TMEM108: variants seen among roughly 807,000 people sequenced by gnomAD.
The protein encoded by TMEM108 is transmembrane protein 108, also known as cancer/testis antigen 124.
A neutral mutation model predicts 35.1 loss-of-function variants in TMEM108; 12 were observed. The ratio of observed to expected loss-of-function variants is 0.34; its 90% CI spans 0.22 to 0.55. The LOEUF (loss-of-function observed/expected upper bound fraction) is 0.55. TMEM108 is among the 20% of genes least tolerant of loss of function. TMEM108 has a pLI of 0.89. For missense variants in TMEM108, 680 were observed against 753.3 expected, an observed-to-expected ratio of 0.90 and a Z score of 1.14; for synonymous variants, 287 against 308.6, an observed-to-expected ratio of 0.93 and a Z score of 0.73.
intron 2 of TMEM108, among the ~76,000 whole-genome samples, chr3:133,059,948 C>T (rs1451987351): frequency 6.6e-6 from 1 of 152,184 alleles, no homozygotes; most frequent in African/African-American, 2.4e-5. Context: ...CCTAATTAGA[C>T]ACAAGCATTT....
At chr3:133,320,617 C>G (rs1430919383) in intron 3 of TMEM108, among the ~76,000 whole-genome samples, 1 of 152,118 alleles carries the variant, frequency 6.6e-6, no homozygotes, top group Non-Finnish European at 1.5e-5. Flanking sequence ...TCAAGGAAAA[C>G]TTTCCTGGCC....
At chr3:133,132,275 T>C (rs1576335965) in intron 2 of TMEM108, among the ~76,000 whole-genome samples, 2 of 152,236 alleles carry the variant, frequency 1.3e-5, no homozygotes, top group African/African-American at 4.8e-5. Context: ...AGCTAGAGAA[T>C]AGAAGTCAAT....
At chr3:133,134,051 C>T (rs554473492) in intron 2 of TMEM108, among the ~76,000 whole-genome samples, 8 of 151,976 alleles carry the variant, frequency 5.3e-5, no homozygotes, top group Admixed American at 1.3e-4. Context: ...CATGAGCCAC[C>T]GCTCCCTGCC....
intron 2 of TMEM108, among the ~76,000 whole-genome samples, chr3:133,191,463 C>T (rs1029604573): frequency 6.6e-6 from 1 of 152,132 alleles, no homozygotes; most frequent in African/African-American, 2.4e-5. Context: ...AAATCAACCA[C>T]AAAATAACAG....
At chr3:133,123,271 C>T (rs766225297) in intron 2 of TMEM108, among the ~76,000 whole-genome samples, 1 of 152,104 alleles carries the variant, frequency 6.6e-6, no homozygotes, top group Non-Finnish European at 1.5e-5. Flanking sequence ...CCAGTTTTAT[C>T]TTGTTGCAAA....
intron 2 of TMEM108, among the ~76,000 whole-genome samples, chr3:133,120,567 C>G (rs145473058): frequency 3.8e-4 from 58 of 152,304 alleles, no homozygotes; most frequent in African/African-American, 1.3e-3. Context: ...TACAACAAAG[C>G]AGATGCTCTG....
intron 2 of TMEM108, among the ~76,000 whole-genome samples, chr3:133,109,434 C>T (rs1414949231): frequency 2.6e-5 from 4 of 151,806 alleles, no homozygotes; most frequent in Non-Finnish European, 5.9e-5. Context: ...TTGAGACCAG[C>T]TTGGTCAACA....
chr3:133,154,715 G>A (rs1034402466), intron 2 of TMEM108, among the ~76,000 whole-genome samples: 1 of 151,938 alleles, frequency 6.6e-6, no homozygotes, highest in Non-Finnish European at 1.5e-5. Context: ...CTGTTGTGGG[G>A]TGGGGGGACG....
At chr3:133,269,473 T>C (rs1004369962) in intron 3 of TMEM108, among the ~76,000 whole-genome samples, 1 of 152,166 alleles carries the variant, frequency 6.6e-6, no homozygotes, top group African/African-American at 2.4e-5. Context: ...GTACTTTATG[T>C]AAACTCATCA....
chr3:133,231,768 G>A (rs975323450), intron 3 of TMEM108, among the ~76,000 whole-genome samples: 6 of 152,122 alleles, frequency 3.9e-5, no homozygotes, highest in Non-Finnish European at 8.8e-5. Flanking sequence ...ACAATTACTA[G>A]TGGACATTAG....
chr3:133,098,916 A>G (rs1387018115), intron 2 of TMEM108, among the ~76,000 whole-genome samples: 1 of 152,086 alleles, frequency 6.6e-6, no homozygotes, highest in Non-Finnish European at 1.5e-5. Flanking sequence ...CTGTCAGTGG[A>G]TCTACCATTC....
At position 133,093,438 on chromosome 3, in the gene TMEM108, G is replaced by A. The variant is rs566942647; in HGVS notation, c.-47+47418G>A. Among the ~76,000 whole-genome samples the A allele has an allele frequency of 7.2e-4, 109 of 152,290 alleles. 1 individual carries two copies. Among genetic ancestry groups the A allele is most frequent in the African/African-American group, 2.6e-3 (106 of 41,538 alleles). ...CCCACCTGGCTTGTTCCTCAGGCCT[G>A]AGGTGTGCAAACAGAAAGTCCAGAG... On this transcript the variant is annotated intron_variant, in intron 2 of 5. Transcript: ENST00000321871.
intron 3 of TMEM108, among the ~76,000 whole-genome samples, chr3:133,278,472 A>G (rs1253586346): frequency 6.6e-6 from 1 of 152,246 alleles, no homozygotes; most frequent in Admixed American, 6.5e-5. Flanking sequence ...TGCTAACACC[A>G]TTATGTGAAC....
intron 3 of TMEM108, among the ~76,000 whole-genome samples, chr3:133,231,116 C>T (rs1006712239): frequency 1.3e-5 from 2 of 151,954 alleles, no homozygotes; most frequent in Non-Finnish European, 2.9e-5. Context: ...ACATTGTCCA[C>T]AAACAGAATG....
At chr3:133,129,483 C>T in intron 2 of TMEM108, among the ~76,000 whole-genome samples, 1 of 151,856 alleles carries the variant, frequency 6.6e-6, no homozygotes, top group Non-Finnish European at 1.5e-5. Flanking sequence ...AAAACAATAA[C>T]TACCATAAAC....
chr3:133,091,896 G>T (rs1281908888), intron 2 of TMEM108, among the ~76,000 whole-genome samples: 1 of 152,056 alleles, frequency 6.6e-6, no homozygotes, highest in African/African-American at 2.4e-5. Context: ...GGTAGCATAA[G>T]AGCATGAATG....
chr3:133,260,098 C>T (rs1253332618), intron 3 of TMEM108, among the ~76,000 whole-genome samples: 1 of 152,176 alleles, frequency 6.6e-6, no homozygotes, highest in Non-Finnish European at 1.5e-5. Context: ...GTCTTTGCTT[C>T]AGTAAAGCAT....
chr3:133,080,113 A>G (rs1365104418), intron 2 of TMEM108, among the ~76,000 whole-genome samples: 1 of 152,026 alleles, frequency 6.6e-6, no homozygotes, highest in Non-Finnish European at 1.5e-5. Context: ...TGAGCTGCCT[A>G]AGCTTCCCTA....
At chr3:133,371,014 A>T (rs948290651) in intron 3 of TMEM108, among the ~76,000 whole-genome samples, 2 of 152,018 alleles carry the variant, frequency 1.3e-5, no homozygotes, top group Admixed American at 6.6e-5. Context: ...ATGATGCTGT[A>T]GAAAGAGCCT....
Sources: allele counts gnomAD v4.1 joint callset (sites outside exome capture counted in the v4.1 genomes callset), GRCh38; gene constraint gnomAD v4.1.1; transcripts MANE v1.5; gene names NCBI Gene and HGNC (gene_info 2026-07-23, HGNC 2026-07-21).